CACNA1B: variants seen among roughly 807,000 people sequenced by gnomAD.
CACNA1B encodes calcium voltage-gated channel subunit alpha1 B.
A neutral mutation model predicts 247.2 loss-of-function variants in CACNA1B; 70 were observed. The observed-to-expected ratio is 0.28, with a 90% confidence interval of 0.23 to 0.35. CACNA1B has a LOEUF of 0.35. Among genes scored for constraint, CACNA1B ranks in the 10% least tolerant of loss-of-function variants. The pLI, the probability that CACNA1B is intolerant of heterozygous loss-of-function variation, is 1.00. For missense variants in CACNA1B, 2,367 were observed against 3,197.4 expected, an observed-to-expected ratio of 0.74 and a Z score of 6.26; for synonymous variants, 1,231 against 1,294.4, an observed-to-expected ratio of 0.95 and a Z score of 1.05.
rs377498051 is a variant in CACNA1B, at chr9:137,882,867, G to A, written c.514G>A (p.Val172Met). 5 of 1,613,752 alleles carry A rather than the reference G, an allele frequency of 3.1e-6. No individual in the cohort carries two copies. Among genetic ancestry groups the A allele is most frequent in the Non-Finnish European group, 4.2e-6 (5 of 1,179,836 alleles). The change falls in exon 3 of 47, where the codon GTG becomes ATG. Residue 172 changes from valine (V) to methionine (M), a missense_variant. Coordinates refer to ENST00000371372, the MANE Select transcript of CACNA1B (RefSeq NM_000718.4). This position sits in a 1 kb window ranked among gnomAD's most constrained non-coding sequence, Gnocchi z 4.0. ...GAACGGCTGGAACGTCATGGACTTCGTGGTCGTCCTCACAGGGTAGGCAAG... is the reference window on the plus strand; with the variant it reads ...GAACGGCTGGAACGTCATGGACTTCATGGTCGTCCTCACAGGGTAGGCAAG... ...LRNGWNVMDF[V>M]VVLTGILATA...
chr9:137,982,698 C>T (rs1958307810), intron 12 of CACNA1B, among the ~76,000 whole-genome samples: 1 of 152,180 alleles, frequency 6.6e-6, no homozygotes. Context: ...CAACCCTAGG[C>T]AAACATCTGG....
chr9:138,037,456 C>T (rs148362976), intron 20 of CACNA1B, among the ~76,000 whole-genome samples: 17 of 152,124 alleles, frequency 1.1e-4, no homozygotes, highest in Non-Finnish European at 1.5e-4. Flanking sequence ...GTCAGGCATT[C>T]GAGACCAACC....
At position 138,122,294 on chromosome 9, in the gene CACNA1B, A is replaced by G; in HGVS notation, c.*295A>G. 2.2e-6 allele frequency: 1 copy of G among 464,408 alleles called. No homozygotes were observed. Among genetic ancestry groups the G allele is most frequent in the Non-Finnish European group, 3.9e-6 (1 of 257,860 alleles). The allele number at this position is 464,408 out of a possible 1,614,324, so 28.8% of individuals were successfully genotyped here. A position where few individuals can be genotyped will look rare whatever the true frequency, so the allele number is the denominator to read the frequency against. On this transcript the variant is annotated 3_prime_UTR_variant, in exon 47 of 47. Coordinates refer to ENST00000371372, the MANE Select transcript of CACNA1B (RefSeq NM_000718.4). The stretch of plus-strand genomic sequence containing the variant: ...TGGCTGAGAAGGACCCAGGAGTCCA[A>G]ATCCCGTGTCCTGGGACTCAGCATC...
At chr9:138,056,169 A>G (rs930624547) in intron 26 of CACNA1B, among the ~76,000 whole-genome samples, 5 of 152,202 alleles carry the variant, frequency 3.3e-5, no homozygotes, top group African/African-American at 1.2e-4. Flanking sequence ...GCATCGCCAC[A>G]GTCAATTTTA....
chr9:137,915,661 A>G (rs1957401958), intron 5 of CACNA1B, among the ~76,000 whole-genome samples: 1 of 152,162 alleles, frequency 6.6e-6, no homozygotes, highest in South Asian at 2.1e-4. Flanking sequence ...ACTGTAAATA[A>G]AAGAGAATTT....
Position 137,878,113 on chromosome 9 carries a change from C to T in CACNA1B, c.180C>T (p.Asn60=), listed in dbSNP as rs780255192. The change falls in exon 1 of 47, where the codon AAC becomes AAT. Residue 60 remains asparagine (N), a synonymous_variant. Coordinates refer to ENST00000371372, the MANE Select transcript of CACNA1B (RefSeq NM_000718.4). ...GCGCGCGGACCATGGCGCTGTACAA[C>T]CCCATCCCGGTCAAGCAGAACTGCT... ...AQRARTMALY[N]PIPVKQNCFT... 1.1e-5 allele frequency: 15 copies of T among 1,343,054 alleles called. 1 individual carries two copies. The East Asian group carries it at 1.5e-4, about 14-fold the overall frequency. The allele number at this position is 1,343,054 out of a possible 1,614,324, so 83.2% of individuals were successfully genotyped here. A position where few individuals can be genotyped will look rare whatever the true frequency, so the allele number is the denominator to read the frequency against.
intron 32 of CACNA1B, among the ~76,000 whole-genome samples, chr9:138,070,048 G>C (rs1246184202): frequency 6.6e-6 from 1 of 152,208 alleles, no homozygotes; most frequent in Non-Finnish European, 1.5e-5. Flanking sequence ...TCTGGAGTGG[G>C]TAAGTGTCTA....
At position 137,914,597 on chromosome 9, in the gene CACNA1B, A is replaced by G; in HGVS notation, c.623-57A>G. 1.3e-6 allele frequency: 2 copies of G among 1,514,088 alleles called. No homozygotes were observed. The highest frequency in any genetic ancestry group is 1.8e-6 in the Non-Finnish European group (2 of 1,099,506). The allele number at this position is 1,514,088 out of a possible 1,614,324, so 93.8% of individuals were successfully genotyped here. ...TGCTGTTCTGTCCCTGCCCCCACCA[A>G]ATTCCTTGCCCTACCCTGCCCACGT... is the stretch of plus-strand genomic sequence containing the variant. On this transcript the variant is annotated intron_variant, in intron 4 of 46. Coordinates refer to ENST00000371372, the MANE Select transcript of CACNA1B (RefSeq NM_000718.4). The surrounding 1 kb of genome is among the most constrained non-coding windows in gnomAD (Gnocchi z 4.3).
At chr9:138,093,546 G>A (rs1440215208) in intron 36 of CACNA1B, among the ~76,000 whole-genome samples, 2 of 151,818 alleles carry the variant, frequency 1.3e-5, no homozygotes, top group African/African-American at 4.8e-5. Context: ...TTTGAGACTA[G>A]CCTGGCCAAC....
At chr9:137,885,008 A>G (rs1330180275) in intron 3 of CACNA1B, among the ~76,000 whole-genome samples, 1 of 79,568 alleles carries the variant, frequency 1.3e-5, no homozygotes, top group South Asian at 5.1e-4. Flanking sequence ...TCTCCTCTCC[A>G]CGCTCTCTGT....
chr9:138,118,820 G>A, intron 44 of CACNA1B, 52 bp downstream of exon 44: 1 of 804,016 alleles, frequency 1.2e-6, no homozygotes. Flanking sequence ...GGGGGGTGGG[G>A]AAGTGGGGCT....
chr9:138,012,952 G>A lies in CACNA1B; in HGVS notation c.2161-177G>A, dbSNP rs1958743293. Among the ~76,000 whole-genome samples, 1 of 152,098 alleles carries A rather than the reference G, an allele frequency of 6.6e-6. No homozygotes were observed. Among genetic ancestry groups the A allele is most frequent in the African/African-American group, 2.4e-5 (1 of 41,416 alleles). Reference sequence around the variant, plus strand: ...GAGAGCACCAGAGACAGCTCCTGTGGAACAGGTCGTGGGGGGCCACATTCA... The same window carrying A: ...GAGAGCACCAGAGACAGCTCCTGTGAAACAGGTCGTGGGGGGCCACATTCA... On this transcript the variant is annotated intron_variant, in intron 17 of 46. Coordinates refer to ENST00000371372, the MANE Select transcript of CACNA1B (RefSeq NM_000718.4). This position sits in a 1 kb window ranked among gnomAD's most constrained non-coding sequence, Gnocchi z 4.2.
chr9:137,977,941 CCCCCCCCAGGAAGGAG>C (rs1958240864), intron 12 of CACNA1B, among the ~76,000 whole-genome samples: 1 of 147,846 alleles, frequency 6.8e-6, no homozygotes, highest in Non-Finnish European at 1.5e-5. Flanking sequence ...GGGAGCACTA[CCCCCCCCAGGAAGGAG>C]TGAAGGGTGG....
At chr9:138,032,307 C>G (rs1958996885) in intron 20 of CACNA1B, among the ~76,000 whole-genome samples, 1 of 151,962 alleles carries the variant, frequency 6.6e-6, no homozygotes. Context: ...ATCGCTTTTT[C>G]CTCTTCCATT....
chr9:137,878,353 C>T, intron 1 of CACNA1B, 136 bp downstream of exon 1: 1 of 742,952 alleles, frequency 1.3e-6, no homozygotes, highest in Non-Finnish European at 1.8e-6. Flanking sequence ...TACGGAGCGC[C>T]CCAGGGCCCC....
intron 16 of CACNA1B, among the ~76,000 whole-genome samples, chr9:138,009,419 A>G (rs1958696512): frequency 6.6e-6 from 1 of 152,212 alleles, no homozygotes; most frequent in African/African-American, 2.4e-5. Flanking sequence ...GGAAATGGAA[A>G]GGAGGGGAAG....
chr9:138,046,838 G>T (rs1959189612), intron 21 of CACNA1B, 66 bp from the exon 22 acceptor site: 6 of 1,538,068 alleles, frequency 3.9e-6, no homozygotes, highest in South Asian at 1.2e-5. Context: ...GGCTGAGCCT[G>T]CCCTGTGGCA....
In CACNA1B at chr9:137,990,576, G is replaced by A. The variant is rs930899663; in HGVS notation, c.1974+3722G>A. 2.0e-5 allele frequency among the ~76,000 whole-genome samples: 3 copies of A among 151,422 alleles called. No individual in the cohort carries two copies. The highest frequency in any genetic ancestry group is 3.9e-4 in the East Asian group (2 of 5,136). ...CAGCACACTTAACAAAAATACAGCC[G>A]AGGACCCTCACAGAGTCCACTTCAC... On this transcript the variant is annotated intron_variant, in intron 15 of 46. Coordinates refer to ENST00000371372, the MANE Select transcript of CACNA1B (RefSeq NM_000718.4). The surrounding 1 kb of genome is among the most constrained non-coding windows in gnomAD (Gnocchi z 4.5).
chr9:138,033,328 G>A (rs1247307674), intron 20 of CACNA1B, among the ~76,000 whole-genome samples: 1 of 151,886 alleles, frequency 6.6e-6, no homozygotes, highest in Non-Finnish European at 1.5e-5. Context: ...TATCTGTTGA[G>A]CATTTTTATA....
Sources: gnomAD v4.1 joint callset for allele counts (sites outside exome capture counted in the v4.1 genomes callset) on GRCh38, gnomAD v4.1.1 for gene constraint, Gnocchi (gnomAD v3.1) non-coding constraint, MANE v1.5 for transcripts, NCBI Gene and HGNC (gene_info 2026-07-23, HGNC 2026-07-21) for gene names.